Variants in REDIC1 observed in about 807,000 individuals in gnomAD.
REDIC1 encodes the protein HEI10 Interacting Protein 1.
At chr12:39,866,889 G>A in the REDIC1 span, among the ~76,000 whole-genome samples, 2 of 152,216 alleles carry the variant, frequency 1.3e-5, no homozygotes, top group African/African-American at 4.8e-5. Context: ...AAAGTTGAAG[G>A]ATGGGGAGGA....
the REDIC1 span, among the ~76,000 whole-genome samples, chr12:39,897,232 A>T: frequency 6.6e-6 from 1 of 152,168 alleles, no homozygotes; most frequent in East Asian, 1.9e-4. Context: ...AACCTACATG[A>T]CTAGCACATG....
the REDIC1 span, among the ~76,000 whole-genome samples, chr12:39,747,577 G>A: frequency 1.3e-4 from 20 of 152,114 alleles, no homozygotes; most frequent in South Asian, 2.1e-3. Flanking sequence ...TACAGAGAAC[G>A]CCACAAAGAT....
the REDIC1 span, among the ~76,000 whole-genome samples, chr12:39,809,721 T>C: frequency 6.6e-6 from 1 of 152,146 alleles, no homozygotes; most frequent in Non-Finnish European, 1.5e-5. Flanking sequence ...GTGTTCTCAT[T>C]GTTCAGTTCC....
chr12:39,790,611 G>A, the REDIC1 span, among the ~76,000 whole-genome samples: 1 of 138,040 alleles, frequency 7.2e-6, no homozygotes, highest in Admixed American at 7.5e-5. Flanking sequence ...TCTTAATCCA[G>A]TCTATGATTG....
At chr12:39,830,011 A>G in the REDIC1 span, 1 of 1,509,276 alleles carries the variant, frequency 6.6e-7, no homozygotes. Flanking sequence ...AGTTTAAAAG[A>G]ACTGCTATAA....
chr12:39,758,478 G>A, the REDIC1 span: 3 of 151,896 alleles, frequency 2.0e-5, no homozygotes, highest in African/African-American at 7.2e-5. Flanking sequence ...GCATCAAACT[G>A]ATGTATTCCT....
At chr12:39,711,513 A>G in the REDIC1 span, among the ~76,000 whole-genome samples, 1 of 142,882 alleles carries the variant, frequency 7.0e-6, no homozygotes, top group Non-Finnish European at 1.5e-5. Flanking sequence ...ATATATGTGT[A>G]TATATGTGTA....
the REDIC1 span, among the ~76,000 whole-genome samples, chr12:39,741,897 T>G: frequency 6.6e-6 from 1 of 152,216 alleles, no homozygotes; most frequent in Non-Finnish European, 1.5e-5. Flanking sequence ...ATGACCTGTT[T>G]AGCTAGACTG....
At chr12:39,869,136 A>G in the REDIC1 span, among the ~76,000 whole-genome samples, 1 of 152,226 alleles carries the variant, frequency 6.6e-6, no homozygotes, top group African/African-American at 2.4e-5. Flanking sequence ...ATATAAATGA[A>G]TAAAACAAAA....
the REDIC1 span, among the ~76,000 whole-genome samples, chr12:39,888,973 T>A: frequency 6.6e-6 from 1 of 152,160 alleles, no homozygotes; most frequent in Non-Finnish European, 1.5e-5. Flanking sequence ...AAGTGTTTAC[T>A]TTATAAAAAT....
chr12:39,769,888 TG>T, the REDIC1 span, among the ~76,000 whole-genome samples: 1 of 152,102 alleles, frequency 6.6e-6, no homozygotes, highest in Admixed American at 6.6e-5. Context: ...CTAACTTTTA[TG>T]TGGTCTTTTT....
the REDIC1 span, among the ~76,000 whole-genome samples, chr12:39,713,251 CACATACGTGTAT>C: frequency 9.8e-6 from 1 of 101,900 alleles, no homozygotes; most frequent in South Asian, 2.8e-4. Context: ...TGTGTACACA[CACATACGTGTAT>C]ATATGTGTAC....
At chr12:39,747,098 G>C in the REDIC1 span, among the ~76,000 whole-genome samples, 1 of 152,226 alleles carries the variant, frequency 6.6e-6, no homozygotes, top group African/African-American at 2.4e-5. Flanking sequence ...CAAGTTGAGA[G>C]AAGAAGGCTT....
the REDIC1 span, among the ~76,000 whole-genome samples, chr12:39,748,617 T>A: frequency 6.6e-6 from 1 of 152,218 alleles, no homozygotes; most frequent in Admixed American, 6.5e-5. Context: ...ACAATATACA[T>A]TCTTCTCAGC....
chr12:39,650,477 T>C, the REDIC1 span: 4 of 1,298,332 alleles, frequency 3.1e-6, no homozygotes, highest in Non-Finnish European at 4.0e-6. This position sits in a 1 kb window ranked among gnomAD's most constrained non-coding sequence, Gnocchi z 4.3. Context: ...GTAATACTTC[T>C]AGAAAAAAAT....
At chr12:39,871,157 C>T in the REDIC1 span, among the ~76,000 whole-genome samples, 7 of 152,200 alleles carry the variant, frequency 4.6e-5, no homozygotes, top group African/African-American at 1.7e-4. Context: ...ATCAATGAAA[C>T]AGTCCTTGTG....
At chr12:39,711,969 ATATATACATGTCATGTC>A in the REDIC1 span, among the ~76,000 whole-genome samples, 3 of 129,612 alleles carry the variant, frequency 2.3e-5, no homozygotes, top group South Asian at 7.5e-4. Context: ...ATATCTATGT[ATATATACATGTCATGTC>A]TATATACATG....
the REDIC1 span, chr12:39,683,134 A>G: frequency 1.9e-6 from 3 of 1,595,340 alleles, no homozygotes; most frequent in Non-Finnish European, 2.6e-6. Context: ...CAGCTCTGAA[A>G]GAAAAGGTTG....
chr12:39,712,823 G>T, the REDIC1 span, among the ~76,000 whole-genome samples: 2 of 143,672 alleles, frequency 1.4e-5, no homozygotes, highest in Non-Finnish European at 3.1e-5. Context: ...ATACATGTGT[G>T]TATGTATATA....
Sources: allele counts gnomAD v4.1 joint callset (sites outside exome capture counted in the v4.1 genomes callset), GRCh38; gene constraint gnomAD v4.1.1; non-coding constraint Gnocchi (gnomAD v3.1); transcripts MANE v1.5; gene names NCBI Gene and HGNC (gene_info 2026-07-23, HGNC 2026-07-21).